Variants in MTA3 observed in about 807,000 individuals in gnomAD.
MTA3 encodes metastasis associated 1 family member 3.
In MTA3, 34 loss-of-function variants were observed where a neutral mutation model predicts 83.5. The ratio of observed to expected loss-of-function variants is 0.41; its 90% confidence interval spans 0.31 to 0.54. MTA3 has a LOEUF of 0.54. Ranked by LOEUF, MTA3 falls within the 20% of genes least tolerant of loss-of-function variation. MTA3 has a pLI of 0.33. For missense variants in MTA3, 761 were observed against 726.4 expected, an observed-to-expected ratio of 1.05 and a Z score of -0.55; for synonymous variants, 303 against 252.7, an observed-to-expected ratio of 1.20 and a Z score of -1.89.
chr2:42,578,608 TC>T (rs1679298147), intron 2 of MTA3, among the ~76,000 whole-genome samples: 1 of 152,228 alleles, frequency 6.6e-6, no homozygotes, highest in African/African-American at 2.4e-5. Context: ...AGCTTCACTG[TC>T]CATGGAACAT....
chr2:42,675,674 T>C (rs1371616507), intron 8 of MTA3, among the ~76,000 whole-genome samples: 1 of 152,214 alleles, frequency 6.6e-6, no homozygotes, highest in Non-Finnish European at 1.5e-5. Context: ...CAAACTTCTC[T>C]GGCATTTCAA....
intron 3 of MTA3, among the ~76,000 whole-genome samples, chr2:42,588,576 GT>G (rs1680604679): frequency 6.6e-6 from 1 of 152,102 alleles, no homozygotes. Flanking sequence ...AGAGATTTAG[GT>G]TTTTTAACAA....
chr2:42,640,418 G>C (rs139068541), intron 5 of MTA3, among the ~76,000 whole-genome samples, 182 bp downstream of exon 5: 150 of 152,276 alleles, frequency 9.9e-4, no homozygotes, highest in African/African-American at 3.4e-3. Context: ...GGTTATCTGA[G>C]ATAAGAGCAA....
intron 3 of MTA3, among the ~76,000 whole-genome samples, chr2:42,600,060 T>TG (rs1682368449): frequency 1.3e-5 from 2 of 151,888 alleles, no homozygotes; most frequent in African/African-American, 4.8e-5. Context: ...TAGCTGGGTG[T>TG]GGCGGCACAT....
chr2:42,561,127 C>T (rs1049934719), intron 2 of MTA3, among the ~76,000 whole-genome samples: 1 of 152,068 alleles, frequency 6.6e-6, no homozygotes, highest in Non-Finnish European at 1.5e-5. Flanking sequence ...GGAACTTGCA[C>T]TTTTTCCCTC....
intron 3 of MTA3, among the ~76,000 whole-genome samples, chr2:42,603,621 A>C (rs1471149191): frequency 6.6e-6 from 1 of 152,218 alleles, no homozygotes; most frequent in Non-Finnish European, 1.5e-5. Context: ...AAAGTCAGTA[A>C]AGTAAAAAAC....
intron 16 of MTA3, among the ~76,000 whole-genome samples, chr2:42,748,079 A>T (rs947369928): frequency 6.6e-5 from 10 of 151,870 alleles, no homozygotes; most frequent in African/African-American, 2.2e-4. Flanking sequence ...GCCAGGTGGG[A>T]GTGCAGTGGC....
At chr2:42,679,853 C>G (rs1300532528) in intron 8 of MTA3, among the ~76,000 whole-genome samples, 4 of 149,850 alleles carry the variant, frequency 2.7e-5, no homozygotes, top group African/African-American at 4.9e-5. Flanking sequence ...TTTTTTTTTC[C>G]CCACTTTGGA....
At chr2:42,538,778 T>TTTTG (rs796645124) in intron 2 of MTA3, among the ~76,000 whole-genome samples, 118 of 55,778 alleles carry the variant, frequency 2.1e-3, no homozygotes, top group African/African-American at 5.6e-3. Flanking sequence ...TTTTTTTTTG[T>TTTTG]TTTTTTTGAG....
Position 42,643,124 on chromosome 2 carries a change from C to G in MTA3, c.382-1003C>G, listed in dbSNP as rs141681365. ...GAATAAAATACAGCACAGAATTTCT[C>G]AGTGGTTGGAATAACTCTGTTTTTT... On this transcript the variant is annotated intron_variant, in intron 5 of 16. Transcript: ENST00000405094. 8.7e-3 allele frequency among the ~76,000 whole-genome samples: 1,257 copies of G among 143,704 alleles called. 16 individuals carry two copies. The highest frequency in any genetic ancestry group is 0.029 in the African/African-American group (1,160 of 39,524). The allele number at this position is 143,704 out of a possible 152,430, so 94.3% of individuals were successfully genotyped here. A position where few individuals can be genotyped will look rare whatever the true frequency, so the allele number is the denominator to read the frequency against.
chr2:42,649,128 C>T (rs1166887759), intron 6 of MTA3, among the ~76,000 whole-genome samples: 1 of 152,136 alleles, frequency 6.6e-6, no homozygotes, highest in East Asian at 1.9e-4. Context: ...GGTGTGGTGG[C>T]TCACTCCTGT....
chr2:42,568,637 G>A lies in MTA3; in HGVS notation c.-109G>A. 1.6e-6 allele frequency: 1 copy of A among 639,394 alleles called. No individual in the cohort carries two copies. The highest frequency in any genetic ancestry group is 4.9e-5 in the East Asian group (1 of 20,518). The allele number at this position is 639,394 out of a possible 1,614,324, so 39.6% of individuals were successfully genotyped here. The stretch of plus-strand genomic sequence containing the variant: ...CCTTCCCTCCCTTCCCCCCCGTGGC[G>A]AGGCAGCAGCGACGGCGGCGGCGGC... On this transcript the variant is annotated 5_prime_UTR_variant, in exon 1 of 17. Transcript: ENST00000405094.
chr2:42,605,757 A>G (rs1215386030), intron 3 of MTA3, among the ~76,000 whole-genome samples: 4 of 101,894 alleles, frequency 3.9e-5, no homozygotes, highest in Non-Finnish European at 6.0e-5. Flanking sequence ...CTGGCCGGGC[A>G]GAGGGGCTCC....
intron 9 of MTA3, 103 bp from the exon 10 acceptor site, chr2:42,695,650 AAAAAAAAAAAAG>A (rs1693321050): frequency 2.2e-6 from 1 of 452,940 alleles, no homozygotes; most frequent in Non-Finnish European, 3.6e-6. Flanking sequence ...AAAAAAAAAA[AAAAAAAAAAAAG>A]AAAGTGGTGG....
intron 7 of MTA3, chr2:42,659,439 T>C (rs1398007472): frequency 6.5e-6 from 1 of 154,934 alleles, no homozygotes; most frequent in Non-Finnish European, 1.4e-5. Context: ...GACTTTTTAT[T>C]TTTTGAGCCA....
intron 16 of MTA3, among the ~76,000 whole-genome samples, chr2:42,736,477 A>T (rs954672337): frequency 6.6e-6 from 1 of 152,068 alleles, no homozygotes; most frequent in African/African-American, 2.4e-5. Context: ...GGACTCTCCA[A>T]TCAGCAGGTG....
chr2:42,646,347 TTTA>T (rs1268003944), intron 6 of MTA3, among the ~76,000 whole-genome samples: 2 of 152,202 alleles, frequency 1.3e-5, no homozygotes, highest in African/African-American at 2.4e-5. Context: ...ACTTTCACAT[TTTA>T]TTATTAAGAA....
intron 2 of MTA3, among the ~76,000 whole-genome samples, chr2:42,520,854 C>T (rs1365668074): frequency 2.0e-5 from 3 of 152,138 alleles, no homozygotes; most frequent in Admixed American, 2.0e-4. Context: ...GTGTGAGCCA[C>T]CACGCCCAGC....
intron 2 of MTA3, among the ~76,000 whole-genome samples, chr2:42,522,942 T>A (rs1400745348): frequency 5.9e-5 from 9 of 151,478 alleles, no homozygotes; most frequent in Admixed American, 5.9e-4. Context: ...CCCAAGTAGC[T>A]GGGACCACAG....
Sources: gnomAD v4.1 joint callset for allele counts (sites outside exome capture counted in the v4.1 genomes callset) on GRCh38, gnomAD v4.1.1 for gene constraint, MANE v1.5 for transcripts, NCBI Gene and HGNC (gene_info 2026-07-23, HGNC 2026-07-21) for gene names.